Variants in TOLLIP observed in about 807,000 individuals in gnomAD.
TOLLIP encodes the protein toll-interacting protein.
In TOLLIP, 16 loss-of-function variants were observed where a neutral mutation model predicts 33.5. That is an observed-to-expected ratio of 0.48 (90% CI 0.32 to 0.72). The LOEUF (loss-of-function observed/expected upper bound fraction) is 0.72. Among genes scored for constraint, TOLLIP ranks in the 30% least tolerant of loss-of-function variants. The pLI is 0.03. For missense variants in TOLLIP, 325 were observed against 396.6 expected, an observed-to-expected ratio of 0.82 and a Z score of 1.53; for synonymous variants, 176 against 163.7, an observed-to-expected ratio of 1.07 and a Z score of -0.57.
rs1397055797 is a variant in TOLLIP, at chr11:1,295,627, G to A, written c.183+18C>T. The stretch of plus-strand genomic sequence containing the variant: ...GCGCACCAGCCCCAGGCAGGCAGGA[G>A]GGTGCCCCAAGGCCCACCTGTACCA... On this transcript the variant is annotated intron_variant, in intron 2 of 5. Coordinates refer to ENST00000317204, the MANE Select transcript of TOLLIP (RefSeq NM_019009.4). The A allele has an allele frequency of 3.3e-6, 5 of 1,524,270 alleles. No homozygotes were observed. The South Asian group carries it at 4.9e-5, about 15-fold the overall frequency. 94.4% of individuals were successfully genotyped at this position (1,524,270 alleles called of 1,614,324 possible).
intron 3 of TOLLIP, among the ~76,000 whole-genome samples, chr11:1,289,939 C>T (rs562890069): frequency 6.6e-4 from 100 of 152,288 alleles, no homozygotes; most frequent in African/African-American, 2.0e-3. Context: ...TGCTGGTGAG[C>T]GGCCAGACCC....
chr11:1,302,052 G>C (rs1864295562), intron 1 of TOLLIP, among the ~76,000 whole-genome samples: 1 of 152,244 alleles, frequency 6.6e-6, no homozygotes, highest in Admixed American at 6.5e-5. Context: ...CTGTGTCTGA[G>C]GGGCTGGCCC....
At chr11:1,282,472 A>T (rs1863532824) in intron 5 of TOLLIP, among the ~76,000 whole-genome samples, 1 of 151,142 alleles carries the variant, frequency 6.6e-6, no homozygotes, top group Admixed American at 6.6e-5. Context: ...AAGTATAATT[A>T]AAATAAATAA....
intron 5 of TOLLIP, chr11:1,283,385 G>A: frequency 2.8e-6 from 1 of 355,948 alleles, no homozygotes; most frequent in Non-Finnish European, 5.5e-6. Flanking sequence ...CTCCAAGCAG[G>A]GTACAGCCCC....
Position 1,276,531 on chromosome 11 carries a change from T to C in TOLLIP, c.*508A>G. 1 of 579,048 alleles carries C rather than the reference T, an allele frequency of 1.7e-6. No individual in the cohort carries two copies. The highest frequency in any genetic ancestry group is 2.7e-6 in the Non-Finnish European group (1 of 374,072). The allele number at this position is 579,048 out of a possible 1,614,324, so 35.9% of individuals were successfully genotyped here. A position where few individuals can be genotyped will look rare whatever the true frequency, so the allele number is the denominator to read the frequency against. ...TGCTCAGCTCACCAGACCCAAGCCCTGGGCAGGGGCCAGGCTCACAGCAAA... is the reference window on the plus strand; with the variant it reads ...TGCTCAGCTCACCAGACCCAAGCCCCGGGCAGGGGCCAGGCTCACAGCAAA... On this transcript the variant is annotated 3_prime_UTR_variant, in exon 6 of 6. Transcript: ENST00000317204.
rs1462139119 is a variant in TOLLIP, at chr11:1,290,572, A to G, written c.184-163T>C. On this transcript the variant is annotated intron_variant, in intron 2 of 5. Transcript: ENST00000317204. This position sits in a 1 kb window ranked among gnomAD's most constrained non-coding sequence, Gnocchi z 4.9. ...ACACGGCTGTGACCTGCTTCCCAGG[A>G]GGCCAGGAGCAAGAAGAGTGAGCCA... is the stretch of plus-strand genomic sequence containing the variant. 6.6e-6 allele frequency among the ~76,000 whole-genome samples: 1 copy of G among 152,150 alleles called. No homozygotes were observed. The highest frequency in any genetic ancestry group is 1.5e-5 in the Non-Finnish European group (1 of 68,030).
intron 5 of TOLLIP, among the ~76,000 whole-genome samples, chr11:1,281,900 C>T (rs1863512806): frequency 6.6e-6 from 1 of 152,246 alleles, no homozygotes; most frequent in African/African-American, 2.4e-5. Flanking sequence ...CCGAGACGCC[C>T]TGAGCACGCA....
At chr11:1,292,004 G>C (rs770942485) in intron 2 of TOLLIP, 2 of 152,348 alleles carry the variant, frequency 1.3e-5, no homozygotes, top group African/African-American at 4.8e-5. Flanking sequence ...TCTAATCAAA[G>C]CTGTGGCCGG....
At chr11:1,283,763 C>A (rs907787030) in intron 5 of TOLLIP, among the ~76,000 whole-genome samples, 1 of 152,198 alleles carries the variant, frequency 6.6e-6, no homozygotes, top group Admixed American at 6.5e-5. Flanking sequence ...TACACCCTGG[C>A]GCTGTATCCA....
At chr11:1,279,423 A>G (rs1012015187) in intron 5 of TOLLIP, among the ~76,000 whole-genome samples, 9 of 152,208 alleles carry the variant, frequency 5.9e-5, no homozygotes, top group Non-Finnish European at 1.2e-4. Flanking sequence ...CGGTGAGCGT[A>G]TGTGTCAAGG....
At chr11:1,304,076 G>A (rs895830253) in intron 1 of TOLLIP, among the ~76,000 whole-genome samples, 1 of 151,186 alleles carries the variant, frequency 6.6e-6, no homozygotes, top group Non-Finnish European at 1.5e-5. Context: ...GAACTGGGAG[G>A]CAGGCCAGAA....
Position 1,277,684 on chromosome 11 carries a change from C to T in TOLLIP, c.611-431G>A, listed in dbSNP as rs114044218. 8.2e-4 allele frequency among the ~76,000 whole-genome samples: 125 copies of T among 152,296 alleles called. No homozygotes were observed. Among genetic ancestry groups the T allele is most frequent in the African/African-American group, 3.0e-3 (124 of 41,568 alleles). On this transcript the variant is annotated intron_variant, in intron 5 of 5. Transcript: ENST00000317204. This position sits in a 1 kb window ranked among gnomAD's most constrained non-coding sequence, Gnocchi z 4.2. ...TGGGGACGGACTACACGGAATGTCA[C>T]GCCCGCTGATCCAAACACTGCACGG... is the stretch of plus-strand genomic sequence containing the variant.
intron 4 of TOLLIP, among the ~76,000 whole-genome samples, chr11:1,286,880 G>C (rs941023091): frequency 6.6e-6 from 1 of 151,664 alleles, no homozygotes; most frequent in East Asian, 1.9e-4. Context: ...ATAAGTCACT[G>C]CACTGCTGTC....
intron 5 of TOLLIP, among the ~76,000 whole-genome samples, chr11:1,284,519 G>T (rs1271194628): frequency 6.6e-6 from 1 of 152,054 alleles, no homozygotes; most frequent in Admixed American, 6.5e-5. Flanking sequence ...CGGCTAATTT[G>T]TTTGTATTTT....
intron 1 of TOLLIP, among the ~76,000 whole-genome samples, chr11:1,305,112 C>T (rs1864391085): frequency 6.6e-6 from 1 of 152,364 alleles, no homozygotes; most frequent in South Asian, 2.1e-4. Flanking sequence ...GGCAAGAGGC[C>T]TTTATCTTCC....
chr11:1,300,548 A>G (rs1315543136), intron 1 of TOLLIP, among the ~76,000 whole-genome samples: 1 of 152,198 alleles, frequency 6.6e-6, no homozygotes, highest in Non-Finnish European at 1.5e-5. Flanking sequence ...TTAAACACCC[A>G]CTGTGAATAT....
At chr11:1,308,856 TCAGGGTGCGGGACCCGCCTCCACCTGGG>T (rs1454219417) in intron 1 of TOLLIP, among the ~76,000 whole-genome samples, 1 of 151,020 alleles carries the variant, frequency 6.6e-6, no homozygotes, top group African/African-American at 2.4e-5. Context: ...TGGGGGGCCA[TCAGGGTGCGGGACCCGCCTCCACCTGGG>T]GGGGCCATCA....
intron 1 of TOLLIP, among the ~76,000 whole-genome samples, chr11:1,296,757 T>A (rs1445575435): frequency 1.2e-5 from 1 of 86,044 alleles, no homozygotes; most frequent in Admixed American, 1.2e-4. Context: ...TGGTTGCTGG[T>A]GGAGTGGGGT....
At chr11:1,299,551 G>A (rs1198830215) in intron 1 of TOLLIP, among the ~76,000 whole-genome samples, 1 of 152,152 alleles carries the variant, frequency 6.6e-6, no homozygotes, top group African/African-American at 2.4e-5. Context: ...GATGATGGAG[G>A]AACTATTTCA....
Sources: allele counts gnomAD v4.1 joint callset (sites outside exome capture counted in the v4.1 genomes callset), GRCh38; gene constraint gnomAD v4.1.1; non-coding constraint Gnocchi (gnomAD v3.1); transcripts MANE v1.5; gene names NCBI Gene and HGNC (gene_info 2026-07-23, HGNC 2026-07-21).